MTDH: variants seen among roughly 807,000 people sequenced by gnomAD.
MTDH encodes the protein protein LYRIC.
MTDH carries 34 observed loss-of-function variants against 72.7 expected under a neutral mutation model. The observed-to-expected ratio is 0.47, with a 90% CI of 0.36 to 0.62. MTDH has a LOEUF of 0.62. Ranked by LOEUF, MTDH falls within the 20% of genes least tolerant of loss-of-function variation. The pLI, the probability that MTDH is intolerant of heterozygous loss-of-function variation, is 0.00. For missense variants in MTDH, 677 were observed against 699.4 expected (o/e 0.97, Z 0.36); for synonymous variants, 266 against 268.9 (o/e 0.99, Z 0.10).
At chr8:97,690,703 AAT>A (rs1279155301) in intron 5 of MTDH, among the ~76,000 whole-genome samples, 2 of 152,226 alleles carry the variant, frequency 1.3e-5, no homozygotes, top group Admixed American at 6.5e-5. Flanking sequence ...GAGTATTCAG[AAT>A]ATGTGTCATT....
At chr8:97,674,159 G>T (rs1812749011) in intron 2 of MTDH, among the ~76,000 whole-genome samples, 1 of 151,974 alleles carries the variant, frequency 6.6e-6, no homozygotes. Flanking sequence ...TCTCTGAAAA[G>T]AACAAAAATG....
At chr8:97,674,952 A>G (rs1256526932) in intron 2 of MTDH, among the ~76,000 whole-genome samples, 2 of 152,112 alleles carry the variant, frequency 1.3e-5, no homozygotes, top group Admixed American at 6.6e-5. Flanking sequence ...CTGGGACTAC[A>G]GGCATGCACC....
At chr8:97,720,016 G>C (rs28469468) in intron 10 of MTDH, among the ~76,000 whole-genome samples, 1 of 152,184 alleles carries the variant, frequency 6.6e-6, no homozygotes, top group African/African-American at 2.4e-5. Context: ...GCTGGGTGTG[G>C]TGGCTCACGC....
intron 1 of MTDH, among the ~76,000 whole-genome samples, chr8:97,658,711 G>C (rs762393288): frequency 3.3e-4 from 51 of 152,284 alleles, no homozygotes; most frequent in Admixed American, 1.4e-3. Flanking sequence ...GAAGAGATAG[G>C]AGACTATAGA....
At position 97,691,183 on chromosome 8, in the gene MTDH, G is replaced by T. The variant is rs775528143; in HGVS notation, c.1043G>T (p.Gly348Val). The part of the protein sequence containing the change: ...RSWSDRSIFS[G>V]IGSTAEPVSQ... ...TGGAGTGACCGTTCAATATTTTCTGGCATTGGTAAGAAGTGTTAGAAAAAT... is the reference window on the plus strand; with the variant it reads ...TGGAGTGACCGTTCAATATTTTCTGTCATTGGTAAGAAGTGTTAGAAAAAT... Residue 348 changes from glycine to valine, a missense_variant, in exon 6 of 12, where the codon GGC becomes GTC. Physicochemically the swap from Gly to Val is moderately radical, Grantham distance 109. Transcript: ENST00000336273. 3 of 1,588,596 alleles carry T rather than the reference G, an allele frequency of 1.9e-6. No homozygotes were observed. The highest frequency in any genetic ancestry group is 2.3e-5 in the South Asian group (2 of 86,744).
intron 7 of MTDH, among the ~76,000 whole-genome samples, chr8:97,703,237 T>TA (rs1427233798): frequency 1.3e-5 from 2 of 152,168 alleles, no homozygotes. Flanking sequence ...CGCATGCCTG[T>TA]AGTCCCAGCT....
intron 7 of MTDH, among the ~76,000 whole-genome samples, chr8:97,702,361 TGCC>T (rs1324880545): frequency 6.6e-6 from 1 of 152,236 alleles, no homozygotes; most frequent in East Asian, 1.9e-4. Context: ...TCCCTGCCTT[TGCC>T]CATATGCAGG....
intron 6 of MTDH, 97 bp from the exon 7 acceptor site, chr8:97,699,657 A>T (rs1814020743): frequency 3.0e-6 from 2 of 657,142 alleles, no homozygotes; most frequent in Non-Finnish European, 2.5e-6. Flanking sequence ...GAGAAATTTT[A>T]AAAATAAAGT....
At chr8:97,704,203 C>T (rs1473885090) in intron 7 of MTDH, among the ~76,000 whole-genome samples, 10 of 152,206 alleles carry the variant, frequency 6.6e-5, no homozygotes, top group Admixed American at 5.2e-4. Context: ...GCCCCCATGG[C>T]AGAATCTGTC....
rs190133186 is a variant in MTDH at position 97,699,656 on chromosome 8, T to G, written c.1049-98T>G. 1.5e-3 allele frequency: 1,079 copies of G among 733,260 alleles called. 9 individuals are homozygous for G. In the African/African-American group the frequency reaches 0.017, roughly 12 times the overall value. The allele number at this position is 733,260 out of a possible 1,614,324, so 45.4% of individuals were successfully genotyped here. ...GAATTTTTCCTTTTAGGAGAAATTT[T>G]AAAAATAAAGTCTCCGTGTCAAAGT... On this transcript the variant is annotated intron_variant, in intron 6 of 11. Transcript: ENST00000336273.
At chr8:97,667,519 C>T (rs529456867) in intron 2 of MTDH, among the ~76,000 whole-genome samples, 1 of 152,246 alleles carries the variant, frequency 6.6e-6, no homozygotes, top group East Asian at 1.9e-4. Context: ...AAATTAGCCA[C>T]TTATTCATAT....
intron 2 of MTDH, among the ~76,000 whole-genome samples, chr8:97,665,676 T>C: frequency 6.6e-6 from 1 of 152,144 alleles, no homozygotes; most frequent in East Asian, 1.9e-4. Flanking sequence ...GAACACAACC[T>C]GACATTATTT....
intron 9 of MTDH, among the ~76,000 whole-genome samples, chr8:97,716,845 C>T (rs1814893111): frequency 6.6e-6 from 1 of 151,986 alleles, no homozygotes; most frequent in Non-Finnish European, 1.5e-5. Flanking sequence ...ACTAGGACTA[C>T]AGTTTTTTTA....
chr8:97,644,967 C>T (rs926146124), intron 1 of MTDH, 80 bp downstream of exon 1: 1 of 1,435,036 alleles, frequency 7.0e-7, no homozygotes, highest in Non-Finnish European at 9.1e-7. Context: ...GGCCGCGCCC[C>T]AGCCGGGAAG....
intron 4 of MTDH, among the ~76,000 whole-genome samples, chr8:97,688,583 TTC>T (rs1398604155): frequency 6.6e-6 from 1 of 152,208 alleles, no homozygotes; most frequent in Non-Finnish European, 1.5e-5. Context: ...ATAATGTGTA[TTC>T]TCACCTCTTG....
rs141463674 is a variant in MTDH at position 97,723,002 on chromosome 8, A to G, written c.1645A>G (p.Asn549Asp). The change falls in exon 11 of 12, where the codon AAT (asparagine) becomes GAT (aspartate). Residue 549 changes from asparagine to aspartate, a missense_variant. Asn to Asp is a conservative substitution (Grantham distance 23). Transcript: ENST00000336273. Reference protein sequence around the residue: ...ILQETDKSKSNTKQNSVPPSQ... With the variant: ...ILQETDKSKSDTKQNSVPPSQ... ...ACAAGAGACAGATAAATCCAAGTCA[A>G]ATACCAAGCAAAATAGTGTGCCTCC... 6.8e-6 allele frequency: 11 copies of G among 1,614,118 alleles called. No individual in the cohort carries two copies. The highest frequency in any genetic ancestry group is 1.7e-5 in the Admixed American group (1 of 60,008).
Position 97,644,743 on chromosome 8 carries a change from C to T in MTDH, c.237C>T (p.Arg79=), listed in dbSNP as rs1397870981. The change falls in exon 1 of 12, where the codon CGC becomes CGT. Residue 79 remains arginine (R), a synonymous_variant. Transcript: ENST00000336273. The part of the protein sequence containing the change: ...YGWAAACAGA[R]KKRRSPPRKR... ...GGGCCGCGGCTTGCGCCGGCGCCCG[C>T]AAAAAGCGGAGGAGCCCGCCCCGCA... 3 of 1,572,370 alleles carry T rather than the reference C, an allele frequency of 1.9e-6. No homozygotes were observed. In the African/African-American group the frequency reaches 4.3e-5, roughly 22 times the overall value.
chr8:97,719,546 T>C lies in MTDH; in HGVS notation c.1521+357T>C, dbSNP rs982805511. ...AAGTTTTGTTGACTCAAGTATTTTA[T>C]CATAAATAATGTTTTAAGCACTGTG... On this transcript the variant is annotated intron_variant, in intron 10 of 11. Coordinates refer to ENST00000336273, the MANE Select transcript of MTDH (RefSeq NM_178812.4). Among the ~76,000 whole-genome samples the C allele has an allele frequency of 2.0e-5, 3 of 150,514 alleles. No homozygotes were observed. In the East Asian group the frequency reaches 5.8e-4, roughly 29 times the overall value.
At chr8:97,688,697 G>A (rs1190469384) in intron 4 of MTDH, among the ~76,000 whole-genome samples, 2 of 152,162 alleles carry the variant, frequency 1.3e-5, no homozygotes, top group Non-Finnish European at 2.9e-5. Flanking sequence ...TTGTTGAGAG[G>A]TGGCAAAGTT....
Sources: allele counts gnomAD v4.1 joint callset (sites outside exome capture counted in the v4.1 genomes callset), GRCh38; gene constraint gnomAD v4.1.1; transcripts MANE v1.5; gene names NCBI Gene and HGNC (gene_info 2026-07-23, HGNC 2026-07-21).